CRACDL: variants seen among roughly 807,000 people sequenced by gnomAD.
CRACDL encodes CRACD-like protein.
CRACDL carries 26 observed loss-of-function variants against 70.6 expected under a neutral mutation model. The ratio of observed to expected loss-of-function variants is 0.37; its 90% CI spans 0.27 to 0.51. CRACDL has a LOEUF of 0.51. Among genes scored for constraint, CRACDL ranks in the 20% least tolerant of loss-of-function variants. CRACDL has a pLI of 0.94. For synonymous variants in CRACDL, 618 were observed against 615.2 expected, an observed-to-expected ratio of 1.00 and a Z score of -0.07; for missense variants, 1,283 against 1,376.9, an observed-to-expected ratio of 0.93 and a Z score of 1.08.
chr2:98,860,169 GA>G (rs1284638107), intron 1 of CRACDL, among the ~76,000 whole-genome samples: 1 of 152,100 alleles, frequency 6.6e-6, no homozygotes, highest in Non-Finnish European at 1.5e-5. Context: ...TAGATGGAAA[GA>G]TATCCTGTGT....
chr2:98,847,784 G>A (rs1228979896), intron 1 of CRACDL, among the ~76,000 whole-genome samples: 1 of 152,084 alleles, frequency 6.6e-6, no homozygotes, highest in Non-Finnish European at 1.5e-5. Context: ...CACTTAAAAA[G>A]GGGGGCTTGA....
At chr2:98,807,172 C>T (rs1704341098) in intron 7 of CRACDL, among the ~76,000 whole-genome samples, 2 of 152,178 alleles carry the variant, frequency 1.3e-5, no homozygotes, top group African/African-American at 4.8e-5. Flanking sequence ...GGGTCCTTGG[C>T]CAATATGTAA....
chr2:98,844,792 T>C (rs75476452), intron 2 of CRACDL, among the ~76,000 whole-genome samples: 5,595 of 152,352 alleles, frequency 0.037, 136 homozygotes, highest in Middle Eastern at 0.065. Flanking sequence ...ATTTGAAGTC[T>C]AAATAGAAGG....
chr2:98,802,365 A>G (rs1260726382), intron 7 of CRACDL, among the ~76,000 whole-genome samples: 1 of 152,234 alleles, frequency 6.6e-6, no homozygotes, highest in Non-Finnish European at 1.5e-5. Context: ...CCGAGATGAG[A>G]GCCGTTTTCA....
chr2:98,852,345 CA>C (rs1273831267), intron 1 of CRACDL, among the ~76,000 whole-genome samples: 2 of 152,160 alleles, frequency 1.3e-5, no homozygotes, highest in African/African-American at 4.8e-5. Flanking sequence ...TCACAGGTAA[CA>C]AACAGCCTGC....
chr2:98,838,171 C>A lies in CRACDL; in HGVS notation c.187G>T (p.Val63Phe), dbSNP rs746788755. The A allele has an allele frequency of 1.2e-6, 2 of 1,613,920 alleles. No homozygotes were observed. Among genetic ancestry groups the A allele is most frequent in the Admixed American group, 3.3e-5 (2 of 59,990 alleles). Residue 63 changes from valine (V) to phenylalanine (F), a missense_variant, in exon 3 of 10, where the codon GTC becomes TTC. By Grantham distance (50) the Val-to-Phe change is conservative (BLOSUM62 -1). This residue lies in a region of CRACDL where 362 missense variants were observed against 495.0 expected (regional missense o/e 0.73). Coordinates refer to ENST00000397899, the MANE Select transcript of CRACDL (RefSeq NM_207362.3). ...ACTGGCCCGGATTCGATGGCAATGA[C>A]CTCATTCCTCGTCTGACTTTGTTTC... ...TWKQSQTRNE[V>F]IAIESGPVGY...
intron 1 of CRACDL, among the ~76,000 whole-genome samples, chr2:98,924,511 T>C (rs1474396557): frequency 6.6e-6 from 1 of 152,206 alleles, no homozygotes; most frequent in African/African-American, 2.4e-5. Context: ...CTCAGAGACA[T>C]TCCCATCTCC....
chr2:98,866,811 C>T (rs371530572), intron 1 of CRACDL, among the ~76,000 whole-genome samples: 1 of 151,924 alleles, frequency 6.6e-6, no homozygotes, highest in East Asian at 1.9e-4. Context: ...TCTTAATGAT[C>T]ACCCAACACA....
At chr2:98,934,484 C>T (rs958539779) in intron 1 of CRACDL, among the ~76,000 whole-genome samples, 7 of 152,170 alleles carry the variant, frequency 4.6e-5, no homozygotes, top group African/African-American at 1.2e-4. Context: ...TGTGAGCCAT[C>T]GCGCCCAGCC....
chr2:98,924,813 G>C (rs1430749318), intron 1 of CRACDL, among the ~76,000 whole-genome samples: 1 of 152,214 alleles, frequency 6.6e-6, no homozygotes, highest in African/African-American at 2.4e-5. Context: ...CCCCCAAAAA[G>C]GGGGTGCTGA....
chr2:98,848,177 T>C (rs1405505362), intron 1 of CRACDL, among the ~76,000 whole-genome samples: 1 of 152,240 alleles, frequency 6.6e-6, no homozygotes, highest in African/African-American at 2.4e-5. Flanking sequence ...AAGGACATCC[T>C]TGCTTTCATC....
At chr2:98,901,381 C>A (rs1000161793) in intron 1 of CRACDL, among the ~76,000 whole-genome samples, 1 of 152,154 alleles carries the variant, frequency 6.6e-6, no homozygotes, top group Non-Finnish European at 1.5e-5. Flanking sequence ...GAACCCTGAT[C>A]TTCTATATAC....
At chr2:98,911,620 C>T (rs960691854) in intron 1 of CRACDL, among the ~76,000 whole-genome samples, 3 of 152,214 alleles carry the variant, frequency 2.0e-5, no homozygotes, top group African/African-American at 7.2e-5. Context: ...TGCTCCCAAG[C>T]CCACCTGAAG....
rs781361854 is a variant in CRACDL, at chr2:98,823,031, G to T, written c.1242C>A (p.Pro414=). 11 of 1,543,860 alleles carry T rather than the reference G, an allele frequency of 7.1e-6. No individual in the cohort carries two copies. The highest frequency in any genetic ancestry group is 5.8e-5 in the Admixed American group (3 of 52,162). ...TAIPEGDTTP[P]ETDPAATSEA... ...CTGAGGTGGCGGCGGGGTCAGTCTC[G>T]GGGGGAGTCGTGTCCCCCTCAGGGA... Residue 414 remains proline, a synonymous_variant, in exon 7 of 10, where the codon CCC becomes CCA. Coordinates refer to ENST00000397899, the MANE Select transcript of CRACDL (RefSeq NM_207362.3). This position sits in a 1 kb window ranked among gnomAD's most constrained non-coding sequence, Gnocchi z 4.0.
chr2:98,812,705 T>G (rs2104440411), intron 7 of CRACDL, among the ~76,000 whole-genome samples: 1 of 152,020 alleles, frequency 6.6e-6, no homozygotes, highest in African/African-American at 2.4e-5. Context: ...GGTTTGCTGT[T>G]TTTTTGTTTT....
chr2:98,880,520 G>T (rs1707618897), intron 1 of CRACDL, among the ~76,000 whole-genome samples: 1 of 152,216 alleles, frequency 6.6e-6, no homozygotes, highest in African/African-American at 2.4e-5. Flanking sequence ...GGCACGGCGG[G>T]CAGGTGGGCC....
At chr2:98,864,070 A>G (rs1707038187) in intron 1 of CRACDL, among the ~76,000 whole-genome samples, 1 of 152,210 alleles carries the variant, frequency 6.6e-6, no homozygotes, top group Non-Finnish European at 1.5e-5. Flanking sequence ...TGTGCATTTT[A>G]CCACAACTAA....
chr2:98,809,576 T>G (rs1012957516), intron 7 of CRACDL, among the ~76,000 whole-genome samples: 16 of 152,196 alleles, frequency 1.1e-4, no homozygotes, highest in African/African-American at 3.9e-4. Context: ...CTCACAGGAC[T>G]GCAGTGTGCT....
intron 1 of CRACDL, among the ~76,000 whole-genome samples, chr2:98,925,026 G>C (rs1708880391): frequency 6.6e-6 from 1 of 152,214 alleles, no homozygotes; most frequent in Admixed American, 6.5e-5. Context: ...GGCCCCACCA[G>C]GGTGCGGTCC....
Sources: gnomAD v4.1 joint callset for allele counts (sites outside exome capture counted in the v4.1 genomes callset) on GRCh38, gnomAD v4.1.1 for gene constraint, gnomAD v4.1.1 regional missense constraint, Gnocchi (gnomAD v3.1) non-coding constraint, MANE v1.5 for transcripts, NCBI Gene and HGNC (gene_info 2026-07-23, HGNC 2026-07-21) for gene names.